Variants in EYS observed in about 807,000 individuals in gnomAD.
EYS encodes EGF-like photoreceptor maintenance factor, also known as protein eyes shut homolog.
EYS carries 250 observed loss-of-function variants against 282.1 expected under a neutral mutation model. The observed-to-expected ratio is 0.89, with a 90% CI of 0.80 to 0.98. The LOEUF (loss-of-function observed/expected upper bound fraction) is 0.98. EYS is among the 50% of genes least tolerant of loss of function. The pLI is 0.00. For synonymous variants in EYS, 1,355 were observed against 1,282.9 expected (o/e 1.06, Z -1.20); for missense variants, 4,016 against 3,709.0 (o/e 1.08, Z -2.15).
At chr6:64,864,181 A>C (rs1455681958) in intron 19 of EYS, among the ~76,000 whole-genome samples, 2 of 152,058 alleles carry the variant, frequency 1.3e-5, no homozygotes, top group African/African-American at 4.8e-5. Context: ...ATCATAAGTC[A>C]TACATAGATC....
intron 26 of EYS, among the ~76,000 whole-genome samples, chr6:64,499,049 A>C (rs1231843463): frequency 6.6e-6 from 1 of 152,140 alleles, no homozygotes. Flanking sequence ...TGTCTTCCAC[A>C]TTGGTTGAAC....
At chr6:64,977,667 G>GAA (rs35684989) in intron 14 of EYS, among the ~76,000 whole-genome samples, 52 of 122,004 alleles carry the variant, frequency 4.3e-4, no homozygotes, top group African/African-American at 9.7e-4. Flanking sequence ...AGCTGTGAAT[G>GAA]AAAAAAAAAA....
chr6:63,742,231 G>GTT (rs974849129), intron 41 of EYS, among the ~76,000 whole-genome samples: 1 of 151,094 alleles, frequency 6.6e-6, no homozygotes, highest in African/African-American at 2.4e-5. Context: ...TCTGGTCAAG[G>GTT]TTTTTTTTTA....
intron 8 of EYS, among the ~76,000 whole-genome samples, chr6:65,371,952 C>T (rs2150342387): frequency 6.7e-6 from 1 of 150,186 alleles, no homozygotes; most frequent in African/African-American, 2.4e-5. Flanking sequence ...TTACTTCTTC[C>T]AGCGTGAGTT....
At chr6:64,449,825 C>A (rs1195614295) in intron 26 of EYS, among the ~76,000 whole-genome samples, 2 of 152,078 alleles carry the variant, frequency 1.3e-5, no homozygotes, top group African/African-American at 2.4e-5. Flanking sequence ...TTGTCACCAC[C>A]AGACCTGCCC....
intron 31 of EYS, among the ~76,000 whole-genome samples, chr6:64,090,409 T>A (rs1772315004): frequency 6.6e-6 from 1 of 152,166 alleles, no homozygotes; most frequent in Non-Finnish European, 1.5e-5. Context: ...TTTAAACCCA[T>A]TTTATTATTT....
rs935040547 is a variant in EYS at position 65,472,408 on chromosome 6, T to C, written c.862+18186A>G. On this transcript the variant is annotated intron_variant, in intron 5 of 42. Coordinates refer to ENST00000503581, the MANE Select transcript of EYS (RefSeq NM_001142800.2). ...CAAATTATATTTTCAATATCTACAC[T>C]AAAATGTCAGATACATATTCTTATG... Among the ~76,000 whole-genome samples, 42 of 152,070 alleles carry C rather than the reference T, an allele frequency of 2.8e-4. 1 individual carries two copies. Among genetic ancestry groups the C allele is most frequent in the Admixed American group, 2.5e-3 (38 of 15,264 alleles).
chr6:65,288,994 C>T (rs1302768365), intron 12 of EYS, among the ~76,000 whole-genome samples: 4 of 150,314 alleles, frequency 2.7e-5, no homozygotes, highest in Non-Finnish European at 6.0e-5. Context: ...GAAAAGAATA[C>T]ATAAAAAGGA....
At chr6:64,757,777 TGTGTGTGTG>T (rs1773000783) in intron 22 of EYS, among the ~76,000 whole-genome samples, 1 of 151,442 alleles carries the variant, frequency 6.6e-6, no homozygotes, top group South Asian at 2.1e-4. Flanking sequence ...TGTGTGTGTG[TGTGTGTGTG>T]TTTTGTTTGT....
intron 32 of EYS, among the ~76,000 whole-genome samples, chr6:64,069,911 T>C (rs3013152): frequency 0.11 from 16,446 of 152,154 alleles, 1,735 homozygotes; most frequent in African/African-American, 0.27. Context: ...AAAGTAATTA[T>C]ATTTTTTTCA....
intron 29 of EYS, among the ~76,000 whole-genome samples, chr6:64,386,129 A>T (rs1374609440): frequency 2.0e-5 from 3 of 152,224 alleles, no homozygotes; most frequent in Non-Finnish European, 4.4e-5. Flanking sequence ...GCCTCACAAC[A>T]TTCCACTAAT....
chr6:64,704,953 A>G (rs1268682691), intron 22 of EYS, among the ~76,000 whole-genome samples: 1 of 152,132 alleles, frequency 6.6e-6, no homozygotes, highest in Non-Finnish European at 1.5e-5. Context: ...CTTCTATTCA[A>G]CATAGTACTG....
At chr6:63,856,949 A>G (rs1311238914) in intron 36 of EYS, among the ~76,000 whole-genome samples, 1 of 152,210 alleles carries the variant, frequency 6.6e-6, no homozygotes, top group East Asian at 1.9e-4. Context: ...TATGTAGTTC[A>G]GGGAAATCTT....
At chr6:64,492,623 T>C (rs1776772708) in intron 26 of EYS, among the ~76,000 whole-genome samples, 1 of 151,274 alleles carries the variant, frequency 6.6e-6, no homozygotes. Flanking sequence ...AATATTAGTT[T>C]GAAGAATATA....
At chr6:63,792,592 AATAT>A (rs963303022) in intron 37 of EYS, among the ~76,000 whole-genome samples, 2 of 150,626 alleles carry the variant, frequency 1.3e-5, no homozygotes, top group Admixed American at 1.4e-4. Flanking sequence ...GTATAATAAA[AATAT>A]ATATATATAA....
chr6:65,648,225 C>T (rs1238907114), intron 1 of EYS, among the ~76,000 whole-genome samples: 1 of 151,994 alleles, frequency 6.6e-6, no homozygotes, highest in Non-Finnish European at 1.5e-5. Flanking sequence ...GATACTTGCA[C>T]GCACATGTTT....
At chr6:64,594,600 C>A (rs1193166170) in intron 24 of EYS, among the ~76,000 whole-genome samples, 1 of 148,760 alleles carries the variant, frequency 6.7e-6, no homozygotes, top group Non-Finnish European at 1.5e-5. Flanking sequence ...GACAAAAAAC[C>A]AAACACTGCA....
chr6:65,664,942 G>A (rs1768147548), intron 1 of EYS, among the ~76,000 whole-genome samples: 1 of 152,016 alleles, frequency 6.6e-6, no homozygotes, highest in Admixed American at 6.6e-5. Flanking sequence ...TGACAAGATG[G>A]GACATAGCAA....
rs536030983 is a variant in EYS at position 63,791,337 on chromosome 6, G to A, written c.7412-2113C>T. 6.6e-5 allele frequency among the ~76,000 whole-genome samples: 10 copies of A among 152,202 alleles called. No individual in the cohort carries two copies. In the East Asian group the frequency reaches 1.2e-3, roughly 18 times the overall value. ...TCCCAGCACTTTGGGAGACCGAGGC[G>A]GGCAGATCATGAGGTCAGGAGATCA... On this transcript the variant is annotated intron_variant, in intron 37 of 42. Coordinates refer to ENST00000503581, the MANE Select transcript of EYS (RefSeq NM_001142800.2).
Sources: gnomAD v4.1 joint callset for allele counts (sites outside exome capture counted in the v4.1 genomes callset) on GRCh38, gnomAD v4.1.1 for gene constraint, MANE v1.5 for transcripts, NCBI Gene and HGNC (gene_info 2026-07-23, HGNC 2026-07-21) for gene names.